CSGALNACT1: variants seen among roughly 807,000 people sequenced by gnomAD.
The protein encoded by CSGALNACT1 is beta4GalNAcT-1.
A neutral mutation model predicts 51.0 loss-of-function variants in CSGALNACT1; 52 were observed. That is an observed-to-expected ratio of 1.02 (90% CI 0.82 to 1.29). The LOEUF (loss-of-function observed/expected upper bound fraction) is 1.29, where lower values mean the gene tolerates loss of function less well. Ranked by LOEUF, CSGALNACT1 falls within the 50% of genes most tolerant of loss-of-function variation. CSGALNACT1 has a pLI of 0.00. For missense variants in CSGALNACT1, 935 were observed against 679.2 expected (o/e 1.38, Z -4.19); for synonymous variants, 341 against 254.4 (o/e 1.34, Z -3.24).
intron 1 of CSGALNACT1, among the ~76,000 whole-genome samples, chr8:19,712,384 A>G (rs987072536): frequency 6.6e-6 from 1 of 152,148 alleles, no homozygotes; most frequent in Non-Finnish European, 1.5e-5. Context: ...GCTTCACAGG[A>G]ACAGTTGGAG....
intron 1 of CSGALNACT1, among the ~76,000 whole-genome samples, chr8:19,703,592 C>G (rs926237883): frequency 6.6e-6 from 1 of 152,200 alleles, no homozygotes; most frequent in African/African-American, 2.4e-5. Context: ...TGGGTGTGAG[C>G]CACCATGCCC....
intron 1 of CSGALNACT1, among the ~76,000 whole-genome samples, chr8:19,697,194 G>A (rs1389865205): frequency 6.6e-6 from 1 of 152,124 alleles, no homozygotes; most frequent in Non-Finnish European, 1.5e-5. Flanking sequence ...AATAGCAATG[G>A]AGAGAGATGA....
intron 1 of CSGALNACT1, among the ~76,000 whole-genome samples, chr8:19,626,626 A>G (rs1564290779): frequency 2.6e-5 from 4 of 152,262 alleles, no homozygotes; most frequent in Admixed American, 2.0e-4. Context: ...TCTTGGGAAT[A>G]GGATGAAAAG....
At chr8:19,418,733 G>C in exon 8 of CSGALNACT1, 2 of 1,610,948 alleles carry the variant, frequency 1.2e-6, no homozygotes, top group Non-Finnish European at 1.7e-6. Context: ...AAAAGAACTG[G>C]ATAAAATACC....
intron 8 of CSGALNACT1, among the ~76,000 whole-genome samples, chr8:19,413,091 T>C (rs2056194639): frequency 6.6e-6 from 1 of 152,198 alleles, no homozygotes; most frequent in Non-Finnish European, 1.5e-5. Context: ...AAAGGCCATC[T>C]CCTTCCAGAT....
chr8:19,697,104 G>C (rs371753036), intron 1 of CSGALNACT1, among the ~76,000 whole-genome samples: 10 of 152,234 alleles, frequency 6.6e-5, no homozygotes, highest in African/African-American at 2.2e-4. Context: ...AAGTAGGTAA[G>C]AGCATTGTCA....
At chr8:19,486,061 C>T (rs1162693105) in intron 4 of CSGALNACT1, among the ~76,000 whole-genome samples, 2 of 151,638 alleles carry the variant, frequency 1.3e-5, no homozygotes, top group Non-Finnish European at 2.9e-5. Context: ...CCACCGTACT[C>T]AGCTGCCACT....
Position 19,489,771 on chromosome 8 carries a change from T to C in CSGALNACT1, c.634+15430A>G, listed in dbSNP as rs576261369. Among the ~76,000 whole-genome samples, 6 of 152,290 alleles carry C rather than the reference T, an allele frequency of 3.9e-5. No homozygotes were observed. In the East Asian group the frequency reaches 7.7e-4, roughly 20 times the overall value. On this transcript the variant is annotated intron_variant, in intron 4 of 9. Coordinates refer to ENST00000454498, the Ensembl canonical transcript of CSGALNACT1. ...CATCTTTCCTTAGCCCTGTTAAACA[T>C]AGCTGTGTGTCTCCAATTTTAAATT...
chr8:19,502,917 C>A lies in CSGALNACT1; in HGVS notation c.634+2284G>T, dbSNP rs1026757771. Among the ~76,000 whole-genome samples the A allele has an allele frequency of 8.6e-5, 13 of 152,020 alleles. 1 individual carries two copies. The highest frequency in any genetic ancestry group is 2.9e-5 in the Non-Finnish European group (2 of 68,018). ...TATAACCACCTGGTCAAATGGTCAC[C>A]CAGTTGATGATAGAATTCTTGTAGT... On this transcript the variant is annotated intron_variant, in intron 4 of 9. Coordinates refer to ENST00000454498, the Ensembl canonical transcript of CSGALNACT1.
chr8:19,599,093 T>G (rs532976267), intron 2 of CSGALNACT1, among the ~76,000 whole-genome samples: 2 of 146,928 alleles, frequency 1.4e-5, no homozygotes, highest in African/African-American at 2.5e-5. Context: ...GGGCCAGAGG[T>G]GGGAGACAGG....
intron 3 of CSGALNACT1, among the ~76,000 whole-genome samples, chr8:19,540,708 G>C (rs977735867): frequency 6.6e-6 from 1 of 152,132 alleles, no homozygotes; most frequent in South Asian, 2.1e-4. Context: ...ATATGCTGTG[G>C]ATTTCTCAAT....
intron 3 of CSGALNACT1, among the ~76,000 whole-genome samples, chr8:19,567,963 G>A (rs1047889570): frequency 4.6e-5 from 7 of 152,084 alleles, no homozygotes; most frequent in Non-Finnish European, 7.4e-5. Flanking sequence ...CTATGAAAAT[G>A]ATGTAACTTC....
chr8:19,749,103 A>G (rs1372884561), intron 1 of CSGALNACT1, among the ~76,000 whole-genome samples: 3 of 151,920 alleles, frequency 2.0e-5, no homozygotes, highest in Admixed American at 6.6e-5. Flanking sequence ...AGATTTTTTC[A>G]CTTATTTGTG....
intron 4 of CSGALNACT1, among the ~76,000 whole-genome samples, chr8:19,485,981 G>A (rs1001796789): frequency 1.3e-5 from 2 of 151,480 alleles, no homozygotes; most frequent in African/African-American, 4.9e-5. Flanking sequence ...GATCATGCTG[G>A]TCTCAAACTC....
intron 1 of CSGALNACT1, among the ~76,000 whole-genome samples, chr8:19,674,930 C>T (rs1417808737): frequency 6.6e-6 from 1 of 152,132 alleles, no homozygotes; most frequent in African/African-American, 2.4e-5. Flanking sequence ...ACAATGAAAG[C>T]AGGGCATTGC....
At chr8:19,438,150 A>T (rs1200427135) in intron 6 of CSGALNACT1, among the ~76,000 whole-genome samples, 1 of 138,834 alleles carries the variant, frequency 7.2e-6, no homozygotes, top group African/African-American at 2.6e-5. Flanking sequence ...GCTGTACTTC[A>T]GAGTCACCTG....
chr8:19,439,921 T>G, exon 6 of CSGALNACT1: 3 of 1,613,972 alleles, frequency 1.9e-6, no homozygotes, highest in Non-Finnish European at 2.5e-6. Context: ...TCCTGCTCAA[T>G]GCACATCTCC....
intron 3 of CSGALNACT1, among the ~76,000 whole-genome samples, chr8:19,521,052 G>A (rs1248297622): frequency 6.6e-6 from 1 of 152,150 alleles, no homozygotes; most frequent in Non-Finnish European, 1.5e-5. Flanking sequence ...TGGAGCGTAA[G>A]GGCAAAAGGG....
At chr8:19,638,074 C>T (rs983011087) in intron 1 of CSGALNACT1, among the ~76,000 whole-genome samples, 1 of 148,106 alleles carries the variant, frequency 6.8e-6, no homozygotes, top group African/African-American at 2.5e-5. Flanking sequence ...ACCTTGACAA[C>T]CAACCTAAAC....
Sources: gnomAD v4.1 joint callset for allele counts (sites outside exome capture counted in the v4.1 genomes callset) on GRCh38, gnomAD v4.1.1 for gene constraint, MANE v1.5 for transcripts, NCBI Gene and HGNC (gene_info 2026-07-23, HGNC 2026-07-21) for gene names.